Variants in ADGRL2 observed in about 807,000 individuals in gnomAD.
ADGRL2 encodes the protein adhesion G protein-coupled receptor L2, also known as calcium-independent alpha-latrotoxin receptor 2.
A neutral mutation model predicts 157.4 loss-of-function variants in ADGRL2; 44 were observed. The observed-to-expected ratio is 0.28, with a 90% CI of 0.22 to 0.36. ADGRL2 has a LOEUF of 0.36. Ranked by LOEUF, ADGRL2 falls within the 10% of genes least tolerant of loss-of-function variation. ADGRL2 has a pLI of 1.00. For missense variants in ADGRL2, 1,510 were observed against 1,768.9 expected (o/e 0.85, Z 2.63); for synonymous variants, 585 against 624.7 (o/e 0.94, Z 0.95).
At chr1:81,545,662 G>T (rs1250891953) in intron 2 of ADGRL2, among the ~76,000 whole-genome samples, 1 of 152,124 alleles carries the variant, frequency 6.6e-6, no homozygotes, top group East Asian at 1.9e-4. Context: ...ATAGGCTTAT[G>T]GGGAGCTTCA....
intron 22 of ADGRL2, 32 bp downstream of exon 22, chr1:81,987,061 C>A: frequency 3.7e-6 from 6 of 1,605,804 alleles, no homozygotes; most frequent in Non-Finnish European, 5.1e-6. Context: ...AACTACCTTT[C>A]TTTGCTGCTA....
At chr1:81,393,100 A>G (rs2076588079) in intron 1 of ADGRL2, among the ~76,000 whole-genome samples, 1 of 152,078 alleles carries the variant, frequency 6.6e-6, no homozygotes, top group African/African-American at 2.4e-5. Context: ...TTTTCTCTCC[A>G]ATGGAGATCT....
At chr1:81,832,505 A>T (rs945208364) in intron 1 of ADGRL2, among the ~76,000 whole-genome samples, 3 of 152,214 alleles carry the variant, frequency 2.0e-5, no homozygotes, top group Non-Finnish European at 2.9e-5. Context: ...AAGTACCATG[A>T]CTAGAAATAT....
intron 3 of ADGRL2, among the ~76,000 whole-genome samples, chr1:81,654,953 CT>C (rs2082497742): frequency 6.6e-6 from 1 of 151,508 alleles, no homozygotes; most frequent in Non-Finnish European, 1.5e-5. Context: ...TCTGGTTTTG[CT>C]TTGTTTTGTT....
intron 2 of ADGRL2, among the ~76,000 whole-genome samples, chr1:81,449,838 A>G (rs2077673144): frequency 6.6e-6 from 1 of 151,934 alleles, no homozygotes; most frequent in Admixed American, 6.6e-5. Flanking sequence ...CCATCCTCCC[A>G]TTTCAGCCTC....
chr1:81,429,609 A>C (rs771006371), intron 1 of ADGRL2, among the ~76,000 whole-genome samples: 7 of 152,220 alleles, frequency 4.6e-5, no homozygotes, highest in African/African-American at 2.4e-5. Flanking sequence ...TTCTGCCCTG[A>C]AGGAATGCTG....
intron 2 of ADGRL2, among the ~76,000 whole-genome samples, chr1:81,884,225 T>C (rs1404848788): frequency 6.6e-6 from 1 of 152,156 alleles, no homozygotes; most frequent in Non-Finnish European, 1.5e-5. Context: ...AGCTCAAGCT[T>C]TGTAATCCCA....
At chr1:81,345,427 A>G (rs1301212921) in intron 1 of ADGRL2, among the ~76,000 whole-genome samples, 1 of 152,230 alleles carries the variant, frequency 6.6e-6, no homozygotes, top group Non-Finnish European at 1.5e-5. Flanking sequence ...ATAACTTTTG[A>G]TAGCCATGCA....
At chr1:81,505,978 C>T (rs1376466167) in intron 2 of ADGRL2, 2 of 207,444 alleles carry the variant, frequency 9.6e-6, no homozygotes, top group Non-Finnish European at 2.0e-5. Context: ...GATCCTTTCC[C>T]TCTACCTGTA....
At chr1:81,362,701 T>A (rs1314277891) in intron 1 of ADGRL2, among the ~76,000 whole-genome samples, 1 of 151,998 alleles carries the variant, frequency 6.6e-6, no homozygotes, top group Non-Finnish European at 1.5e-5. Context: ...AAAAAAATGC[T>A]CATCCTTTGA....
At chr1:81,691,691 G>T (rs1268625216) in intron 3 of ADGRL2, among the ~76,000 whole-genome samples, 2 of 151,572 alleles carry the variant, frequency 1.3e-5, no homozygotes, top group Non-Finnish European at 2.9e-5. Context: ...TAGAGATGGG[G>T]TTTCTCCATG....
intron 1 of ADGRL2, among the ~76,000 whole-genome samples, chr1:81,822,232 CAT>C (rs147643105): frequency 0.06 from 9,071 of 151,560 alleles, 717 homozygotes; most frequent in African/African-American, 0.19. Flanking sequence ...GTTTTCTACA[CAT>C]GTTTCCCGCT....
intron 3 of ADGRL2, among the ~76,000 whole-genome samples, chr1:81,654,192 G>C (rs7550417): frequency 0.91 from 138,149 of 152,238 alleles, 62,824 homozygotes; most frequent in African/African-American, 0.97. Context: ...GTAATCCACC[G>C]AACTTGGCCT....
chr1:81,643,040 T>C (rs2082250675), intron 3 of ADGRL2, among the ~76,000 whole-genome samples: 3 of 152,194 alleles, frequency 2.0e-5, no homozygotes, highest in African/African-American at 7.2e-5. Flanking sequence ...GTATCCCCTG[T>C]CATCACTGCT....
intron 3 of ADGRL2, among the ~76,000 whole-genome samples, chr1:81,646,485 G>T (rs1360637709): frequency 6.6e-6 from 1 of 152,172 alleles, no homozygotes; most frequent in African/African-American, 2.4e-5. Flanking sequence ...AATATCAAAG[G>T]ATTCTTCAAG....
At position 81,721,576 on chromosome 1, in the gene ADGRL2, C is replaced by A. The variant is rs972812312; in HGVS notation, c.-143+21768C>A. The stretch of plus-strand genomic sequence containing the variant: ...TTCAGGACCAGCCTAGGCAACATGG[C>A]AAACCCCAGTTTCTACCAAAAAAAT... On this transcript the variant is annotated intron_variant, in intron 1 of 20. Coordinates refer to the ADGRL2 transcript ENST00000359929. 2.9e-5 allele frequency: 15 copies of A among 509,410 alleles called. 1 individual carries two copies. The South Asian group carries it at 3.2e-4, about 11-fold the overall frequency. The allele number at this position is 509,410 out of a possible 1,614,324, so 31.6% of individuals were successfully genotyped here. A position where few individuals can be genotyped will look rare whatever the true frequency, so the allele number is the denominator to read the frequency against.
chr1:81,818,102 C>T (rs910987925), intron 1 of ADGRL2, among the ~76,000 whole-genome samples: 9 of 151,880 alleles, frequency 5.9e-5, no homozygotes, highest in Admixed American at 1.3e-4. Flanking sequence ...CCCATGAGTA[C>T]GAGGCTGCAT....
At chr1:81,668,309 C>T (rs138381803) in intron 3 of ADGRL2, among the ~76,000 whole-genome samples, 1,731 of 151,874 alleles carry the variant, frequency 0.011, 15 homozygotes, top group Non-Finnish European at 0.02. Flanking sequence ...CCTGTAATCC[C>T]AGCTACTCAG....
At chr1:81,800,890 G>C (rs1238823522), upstream of ADGRL2, among the ~76,000 whole-genome samples, 3 of 149,604 alleles carry the variant, frequency 2.0e-5, no homozygotes, top group African/African-American at 7.3e-5. Flanking sequence ...GAGAGAAGGG[G>C]AGGGGCGCGA....
Sources: gnomAD v4.1 joint callset for allele counts (sites outside exome capture counted in the v4.1 genomes callset) on GRCh38, gnomAD v4.1.1 for gene constraint, MANE v1.5 for transcripts, NCBI Gene and HGNC (gene_info 2026-07-23, HGNC 2026-07-21) for gene names.